Variants in PRKCQ observed in about 807,000 individuals in gnomAD.
PRKCQ encodes protein kinase C theta.
PRKCQ carries 41 observed loss-of-function variants against 91.2 expected under a neutral mutation model. That is an observed-to-expected ratio of 0.45 (90% CI 0.35 to 0.58). The LOEUF (loss-of-function observed/expected upper bound fraction) is 0.58. PRKCQ is among the 20% of genes least tolerant of loss of function. The pLI is 0.00. For missense variants in PRKCQ, 673 were observed against 896.5 expected, an observed-to-expected ratio of 0.75 and a Z score of 3.18; for synonymous variants, 307 against 316.9, an observed-to-expected ratio of 0.97 and a Z score of 0.33.
At chr10:6,578,639 C>G (rs181487845) in intron 1 of PRKCQ, among the ~76,000 whole-genome samples, 1 of 152,308 alleles carries the variant, frequency 6.6e-6, no homozygotes, top group East Asian at 1.9e-4. Flanking sequence ...GTTCAATCAG[C>G]AGGAGGAAGG....
intron 1 of PRKCQ, among the ~76,000 whole-genome samples, chr10:6,550,486 C>A (rs1027119933): frequency 6.6e-6 from 1 of 152,224 alleles, no homozygotes; most frequent in African/African-American, 2.4e-5. Flanking sequence ...GTTGGCCAGG[C>A]TGGTCTCAAA....
intron 12 of PRKCQ, among the ~76,000 whole-genome samples, chr10:6,474,660 C>T (rs566301197): frequency 1.7e-4 from 26 of 152,092 alleles, no homozygotes; most frequent in Admixed American, 9.8e-4. Flanking sequence ...AAGAGGGAAA[C>T]TGTTTCAGTG....
At chr10:6,400,513 C>A in the PRKCQ span, among the ~76,000 whole-genome samples, 1 of 151,896 alleles carries the variant, frequency 6.6e-6, no homozygotes, top group Admixed American at 6.6e-5. Flanking sequence ...AACTATATTT[C>A]AACACACAGC....
intron 4 of PRKCQ, among the ~76,000 whole-genome samples, chr10:6,502,220 GA>G (rs1161137707): frequency 1.3e-5 from 2 of 152,226 alleles, no homozygotes; most frequent in Non-Finnish European, 2.9e-5. Flanking sequence ...CGGAAATGAG[GA>G]AACTATACCA....
At chr10:6,434,309 T>C (rs1046080622) in intron 16 of PRKCQ, among the ~76,000 whole-genome samples, 1 of 152,188 alleles carries the variant, frequency 6.6e-6, no homozygotes, top group African/African-American at 2.4e-5. Flanking sequence ...CCAGTGAACA[T>C]GTGGTATTTG....
intron 15 of PRKCQ, among the ~76,000 whole-genome samples, chr10:6,446,284 C>T (rs1471773541): frequency 2.0e-5 from 3 of 151,000 alleles, no homozygotes; most frequent in African/African-American, 7.3e-5. Context: ...GATTTTACCA[C>T]GTGATGTTCC....
At chr10:6,515,975 C>T (rs1052921173) in intron 1 of PRKCQ, among the ~76,000 whole-genome samples, 8 of 152,098 alleles carry the variant, frequency 5.3e-5, no homozygotes, top group African/African-American at 1.9e-4. Flanking sequence ...CCTACTTTTC[C>T]GAGGTCCCAT....
chr10:6,556,857 C>T (rs978744833), intron 1 of PRKCQ, among the ~76,000 whole-genome samples: 3 of 152,126 alleles, frequency 2.0e-5, no homozygotes, highest in African/African-American at 4.8e-5. Context: ...TTCTCCACCT[C>T]GGCAGATGAG....
chr10:6,528,439 G>A (rs931830209), intron 1 of PRKCQ, among the ~76,000 whole-genome samples: 1 of 152,228 alleles, frequency 6.6e-6, no homozygotes, highest in South Asian at 2.1e-4. Context: ...GGGGTGAGAG[G>A]GTCCCTGACA....
chr10:6,506,051 C>A (rs1048377117), intron 4 of PRKCQ, among the ~76,000 whole-genome samples: 1 of 152,156 alleles, frequency 6.6e-6, no homozygotes, highest in Non-Finnish European at 1.5e-5. Context: ...TTTAGGTCAG[C>A]ACTTTCACAT....
the PRKCQ span, among the ~76,000 whole-genome samples, chr10:6,402,678 G>A: frequency 0.014 from 2,096 of 152,298 alleles, 50 homozygotes; most frequent in African/African-American, 0.048. Flanking sequence ...GCTCATGCCC[G>A]TAAATCCCAG....
At chr10:6,517,173 C>T (rs553018882) in intron 1 of PRKCQ, among the ~76,000 whole-genome samples, 4 of 152,232 alleles carry the variant, frequency 2.6e-5, no homozygotes, top group Admixed American at 6.5e-5. Flanking sequence ...CCGAACTACA[C>T]AGAGTGCTTT....
At chr10:6,504,670 A>G (rs145920184) in intron 4 of PRKCQ, among the ~76,000 whole-genome samples, 1 of 152,254 alleles carries the variant, frequency 6.6e-6, no homozygotes, top group African/African-American at 2.4e-5. Flanking sequence ...CCCTGAGGAG[A>G]AGAACACGTT....
chr10:6,438,504 T>C (rs937327591), intron 16 of PRKCQ, among the ~76,000 whole-genome samples: 1 of 152,262 alleles, frequency 6.6e-6, no homozygotes, highest in African/African-American at 2.4e-5. Flanking sequence ...GATTATTTTT[T>C]AACCAGCTGA....
At chr10:6,468,161 G>C (rs1835782839) in intron 12 of PRKCQ, among the ~76,000 whole-genome samples, 2 of 152,222 alleles carry the variant, frequency 1.3e-5, no homozygotes, top group South Asian at 4.1e-4. Flanking sequence ...AGGTCCTAGA[G>C]CTGTCAAAAT....
chr10:6,507,435 C>A lies in PRKCQ; in HGVS notation c.379+1G>T, dbSNP rs1334108814. The A allele has an allele frequency of 6.2e-7, 1 of 1,612,986 alleles. No homozygotes were observed. The highest frequency in any genetic ancestry group is 8.5e-7 in the Non-Finnish European group (1 of 1,179,168). On this transcript the variant is annotated splice_donor_variant, in intron 4 of 17. Transcript: ENST00000263125. LOFTEE classifies it high-confidence loss of function. Reference sequence around the variant, plus strand: ...AAACAGGAAGAAGAAATGTCACTTGCCACTCATTTCCAGAAAGTATCTTGC... The same window carrying A: ...AAACAGGAAGAAGAAATGTCACTTGACACTCATTTCCAGAAAGTATCTTGC...
the PRKCQ span, among the ~76,000 whole-genome samples, chr10:6,405,376 T>C: frequency 6.6e-6 from 1 of 152,212 alleles, no homozygotes; most frequent in East Asian, 1.9e-4. Flanking sequence ...ACTGGGCAGC[T>C]CTCCGTTTGC....
chr10:6,483,406 T>G (rs760365825), intron 11 of PRKCQ, 34 bp downstream of exon 11: 11 of 1,613,092 alleles, frequency 6.8e-6, no homozygotes, highest in Admixed American at 1.7e-5. Flanking sequence ...GTTCCTGGAG[T>G]TGGGCCATAG....
chr10:6,513,870 C>T (rs1170097104), intron 2 of PRKCQ, among the ~76,000 whole-genome samples: 1 of 152,190 alleles, frequency 6.6e-6, no homozygotes, highest in Non-Finnish European at 1.5e-5. Flanking sequence ...ATGTCCCTCG[C>T]TCACAGGCCT....
Sources: gnomAD v4.1 joint callset for allele counts (sites outside exome capture counted in the v4.1 genomes callset) on GRCh38, gnomAD v4.1.1 for gene constraint, MANE v1.5 for transcripts, NCBI Gene and HGNC (gene_info 2026-07-23, HGNC 2026-07-21) for gene names.